HS3ST5: variants seen among roughly 807,000 people sequenced by gnomAD.
HS3ST5 encodes heparan sulfate-glucosamine 3-sulfotransferase 5, also known as heparan sulfate glucosamine 3-O-sulfotransferase 5.
In HS3ST5, 10 loss-of-function variants were observed where a neutral mutation model predicts 25.4. The observed-to-expected ratio is 0.39, with a 90% CI of 0.24 to 0.67. The LOEUF (loss-of-function observed/expected upper bound fraction) is 0.67, where lower values mean the gene tolerates loss of function less well. HS3ST5 is among the 30% of genes least tolerant of loss of function. HS3ST5 has a pLI of 0.44. For missense variants in HS3ST5, 324 were observed against 420.7 expected, an observed-to-expected ratio of 0.77 and a Z score of 2.01; for synonymous variants, 170 against 162.4, an observed-to-expected ratio of 1.05 and a Z score of -0.36.
At chr6:114,102,194 C>T (rs74951690) in intron 3 of HS3ST5, among the ~76,000 whole-genome samples, 1,788 of 152,242 alleles carry the variant, frequency 0.012, 38 homozygotes, top group African/African-American at 0.041. Flanking sequence ...ACTCATGAAC[C>T]TAAAATAAAA....
intron 1 of HS3ST5, among the ~76,000 whole-genome samples, chr6:114,294,814 C>T (rs1030243966): frequency 6.6e-6 from 1 of 152,130 alleles, no homozygotes; most frequent in African/African-American, 2.4e-5. Flanking sequence ...CTAATGTTGG[C>T]TGAAATTGGT....
rs1245656450 is a variant in HS3ST5 at position 114,340,005 on chromosome 6, A to AG, written c.-339+2189dup. The stretch of plus-strand genomic sequence containing the variant: ...CCCTTTTTGTTTAAAATAACAACCC[A>AG]GCTCAACTTTGCATATTGTGTGTGT... On this transcript the variant is annotated intron_variant, in intron 1 of 4. Coordinates refer to ENST00000312719, the MANE Select transcript of HS3ST5 (RefSeq NM_153612.4). 3.3e-5 allele frequency among the ~76,000 whole-genome samples: 5 copies of AG among 152,294 alleles called. No individual in the cohort carries two copies. In the East Asian group the frequency reaches 9.6e-4, roughly 29 times the overall value.
intron 2 of HS3ST5, among the ~76,000 whole-genome samples, chr6:114,182,421 T>C (rs1382857075): frequency 6.6e-6 from 1 of 152,184 alleles, no homozygotes; most frequent in Non-Finnish European, 1.5e-5. Flanking sequence ...AGAATAGTCA[T>C]AGAAAATAAA....
At chr6:114,061,113 G>A (rs1482053177) in intron 4 of HS3ST5, among the ~76,000 whole-genome samples, 1 of 152,166 alleles carries the variant, frequency 6.6e-6, no homozygotes, top group Non-Finnish European at 1.5e-5. Context: ...TATCCCCTTA[G>A]AGACTAGAGA....
chr6:114,115,735 C>A (rs144695363), intron 3 of HS3ST5, among the ~76,000 whole-genome samples: 230 of 152,042 alleles, frequency 1.5e-3, no homozygotes, highest in African/African-American at 5.3e-3. Context: ...TGTTTGAAAT[C>A]CTGTTTAGCA....
chr6:114,218,029 G>A (rs900668948), intron 2 of HS3ST5, among the ~76,000 whole-genome samples: 4 of 151,916 alleles, frequency 2.6e-5, no homozygotes, highest in Middle Eastern at 6.8e-3. Flanking sequence ...ACAGAGTGTC[G>A]CTCTGTCACC....
chr6:114,058,126 G>A lies in HS3ST5; in HGVS notation c.172C>T (p.Leu58Phe). The change falls in exon 5 of 5, where the codon CTT becomes TTT. Residue 58 changes from leucine to phenylalanine, a missense_variant. Leu to Phe is a conservative substitution (Grantham distance 22, BLOSUM62 0). Around this residue, in one of 2 missense-constraint regions of HS3ST5, gnomAD observed 121 missense variants for 117.3 expected, o/e 1.03. Coordinates refer to ENST00000312719, the MANE Select transcript of HS3ST5 (RefSeq NM_153612.4). Reference sequence around the variant, plus strand: ...CCACGCTTAAACTGCAGGGCGCGAAGTGGGAATTCAGCCTGAGTGCGGGCT... The same window carrying A: ...CCACGCTTAAACTGCAGGGCGCGAAATGGGAATTCAGCCTGAGTGCGGGCT... ...GGARTQAEFPLRALQFKRGLL... is the reference protein window; with the variant it reads ...GGARTQAEFPFRALQFKRGLL... The A allele has an allele frequency of 6.2e-7, 1 of 1,613,868 alleles. No individual in the cohort carries two copies. Among genetic ancestry groups the A allele is most frequent in the Non-Finnish European group, 8.5e-7 (1 of 1,179,804 alleles).
At chr6:114,274,684 G>A (rs1773773930) in intron 1 of HS3ST5, among the ~76,000 whole-genome samples, 1 of 152,060 alleles carries the variant, frequency 6.6e-6, no homozygotes, top group South Asian at 2.1e-4. Flanking sequence ...TTGAAATTGA[G>A]ATTATAAAGG....
At chr6:114,058,734 A>C (rs1254595230) in intron 4 of HS3ST5, 3 of 153,322 alleles carry the variant, frequency 2.0e-5, no homozygotes, top group Non-Finnish European at 2.9e-5. Flanking sequence ...GCAAAATTCC[A>C]ATCTTGGAAC....
At chr6:114,305,556 T>A (rs1192406984) in intron 1 of HS3ST5, among the ~76,000 whole-genome samples, 1 of 151,124 alleles carries the variant, frequency 6.6e-6, no homozygotes, top group Non-Finnish European at 1.5e-5. Context: ...TGCTTGGGTA[T>A]GCAGTAAAAG....
Position 114,084,560 on chromosome 6 carries a change from CGTT to C in HS3ST5, c.-32-21686_-32-21684del. The C allele has an allele frequency of 3.9e-6, 3 of 762,114 alleles. No homozygotes were observed. The East Asian group carries it at 7.3e-5, about 19-fold the overall frequency. 47.2% of individuals were successfully genotyped at this position (762,114 alleles called of 1,614,324 possible). On this transcript the variant is annotated intron_variant, in intron 3 of 4. Transcript: ENST00000312719. ...ATCACACCCGCTGAGTGAGCTCCCT[CGTT>C]GTTGCACGGGATGGCAAAGTCCACA...
At chr6:114,180,643 T>TTGTGTGGTTTTTCAC (rs1342702382) in intron 2 of HS3ST5, among the ~76,000 whole-genome samples, 1 of 152,172 alleles carries the variant, frequency 6.6e-6, no homozygotes, top group Non-Finnish European at 1.5e-5. Context: ...GGACTTGAAC[T>TTGTGTGGTTTTTCAC]TGTGTGCTTT....
intron 1 of HS3ST5, among the ~76,000 whole-genome samples, chr6:114,324,221 A>G (rs1377647730): frequency 1.3e-5 from 2 of 152,242 alleles, no homozygotes; most frequent in African/African-American, 4.8e-5. Flanking sequence ...TAGTGACTGG[A>G]TAAGAAAAAT....
chr6:114,316,580 A>G (rs1034348424), intron 1 of HS3ST5, among the ~76,000 whole-genome samples: 15 of 152,238 alleles, frequency 9.9e-5, no homozygotes, highest in African/African-American at 1.4e-4. Flanking sequence ...TCAAGTGACA[A>G]CATGATCCAA....
At chr6:114,103,353 A>G (rs142302194) in intron 3 of HS3ST5, among the ~76,000 whole-genome samples, 142 of 152,086 alleles carry the variant, frequency 9.3e-4, no homozygotes, top group African/African-American at 3.2e-3. Context: ...AAAAAATGAT[A>G]AACACATCAA....
chr6:114,331,374 C>T (rs1776388307), intron 1 of HS3ST5, among the ~76,000 whole-genome samples: 1 of 152,044 alleles, frequency 6.6e-6, no homozygotes, highest in Non-Finnish European at 1.5e-5. Context: ...TTTTCTCTCA[C>T]TTTAAGACAG....
chr6:114,217,491 A>G (rs927726813), intron 2 of HS3ST5, among the ~76,000 whole-genome samples: 1 of 152,228 alleles, frequency 6.6e-6, no homozygotes, highest in Non-Finnish European at 1.5e-5. Flanking sequence ...AATGAAAACA[A>G]TGAAAATGAA....
intron 1 of HS3ST5, among the ~76,000 whole-genome samples, chr6:114,301,750 C>T (rs1434456140): frequency 6.6e-6 from 1 of 152,050 alleles, no homozygotes; most frequent in African/African-American, 2.4e-5. Flanking sequence ...TATGGCTGAG[C>T]CCTCAGCTGC....
intron 1 of HS3ST5, among the ~76,000 whole-genome samples, chr6:114,242,501 A>C (rs1233995767): frequency 6.6e-6 from 1 of 152,178 alleles, no homozygotes; most frequent in African/African-American, 2.4e-5. Flanking sequence ...TACTCAAGAA[A>C]AATAAGTCAA....
Sources: allele counts gnomAD v4.1 joint callset (sites outside exome capture counted in the v4.1 genomes callset), GRCh38; gene constraint gnomAD v4.1.1; regional missense constraint gnomAD v4.1.1; transcripts MANE v1.5; gene names NCBI Gene and HGNC (gene_info 2026-07-23, HGNC 2026-07-21).